ZNF577: variants seen among roughly 807,000 people sequenced by gnomAD.
ZNF577 encodes the protein zinc finger protein 577.
In ZNF577, 14 loss-of-function variants were observed where a neutral mutation model predicts 13.9. That is an observed-to-expected ratio of 1.00 (90% CI 0.66 to 1.57). The LOEUF is 1.57. Among genes scored for constraint, ZNF577 ranks in the 40% most tolerant of loss-of-function variants. The pLI is 0.00. For synonymous variants in ZNF577, 203 were observed against 202.9 expected, an observed-to-expected ratio of 1.00 and a Z score of 0.00; for missense variants, 555 against 579.2, an observed-to-expected ratio of 0.96 and a Z score of 0.43.
intron 9 of ZNF577, among the ~76,000 whole-genome samples, chr19:51,821,511 G>A (rs1445957443): frequency 6.6e-6 from 1 of 152,174 alleles, no homozygotes; most frequent in Non-Finnish European, 1.5e-5. Flanking sequence ...TGTCTGTAGT[G>A]CCAACGTTGA....
At chr19:51,853,816 C>T (rs913487733) in intron 5 of ZNF577, among the ~76,000 whole-genome samples, 3 of 152,110 alleles carry the variant, frequency 2.0e-5, no homozygotes, top group African/African-American at 4.8e-5. Flanking sequence ...GGATTGACAT[C>T]GTGAAGGTGT....
intron 9 of ZNF577, among the ~76,000 whole-genome samples, chr19:51,813,386 C>G (rs1599835968): frequency 1.3e-5 from 2 of 152,134 alleles, no homozygotes; most frequent in East Asian, 3.9e-4. Context: ...AATACCATCA[C>G]CTTGGTATGA....
chr19:51,805,534 T>A (rs971223677), intron 10 of ZNF577, among the ~76,000 whole-genome samples: 3 of 152,222 alleles, frequency 2.0e-5, no homozygotes, highest in African/African-American at 7.2e-5. Context: ...TATTCTAAGT[T>A]GGTTACACAA....
intron 5 of ZNF577, among the ~76,000 whole-genome samples, chr19:51,851,936 G>A (rs1250833010): frequency 6.6e-6 from 1 of 152,082 alleles, no homozygotes. Context: ...ATACCCTCAC[G>A]CATCACCTGC....
At chr19:51,884,923 T>A (rs75289742) in intron 1 of ZNF577, among the ~76,000 whole-genome samples, 2,281 of 152,348 alleles carry the variant, frequency 0.015, 71 homozygotes, top group African/African-American at 0.052. Flanking sequence ...GTCACATGAC[T>A]ATTCTATGGT....
downstream of ZNF577, among the ~76,000 whole-genome samples, chr19:51,865,947 T>G (rs1299441037): frequency 6.6e-6 from 1 of 152,106 alleles, no homozygotes; most frequent in East Asian, 1.9e-4. Context: ...AAACCCCAGC[T>G]CTACTAAAAA....
At chr19:51,884,463 G>A (rs59762708) in intron 1 of ZNF577, among the ~76,000 whole-genome samples, 12,551 of 151,956 alleles carry the variant, frequency 0.083, 918 homozygotes, top group South Asian at 0.25. Flanking sequence ...TAAGTTATGG[G>A]TAAATATTAT....
intron 9 of ZNF577, among the ~76,000 whole-genome samples, chr19:51,818,848 G>A (rs1159770819): frequency 1.3e-5 from 2 of 152,192 alleles, no homozygotes; most frequent in Non-Finnish European, 2.9e-5. Context: ...GGAAGCCATA[G>A]AAGAGTGCTG....
At position 51,870,904 on chromosome 19, in the gene ZNF577, C is replaced by T. The variant is rs2084649646; in HGVS notation, c.*1628G>A. The stretch of plus-strand genomic sequence containing the variant: ...TCTGTCATGGAAAGCTGTCCTAAGC[C>T]CTTTACTTCTCAATGTCTGATGAAG... On this transcript the variant is annotated 3_prime_UTR_variant, in exon 6 of 6. Transcript: ENST00000638348. 6.6e-6 allele frequency among the ~76,000 whole-genome samples: 1 copy of T among 152,022 alleles called. No homozygotes were observed. The highest frequency in any genetic ancestry group is 6.6e-5 in the Admixed American group (1 of 15,266).
Position 51,868,976 on chromosome 19 carries a change from G to C in ZNF577, c.*3556C>G, listed in dbSNP as rs984222932. On this transcript the variant is annotated 3_prime_UTR_variant, in exon 6 of 6. Transcript: ENST00000638348. The stretch of plus-strand genomic sequence containing the variant: ...AAAGTCATCACCATTCTCCAGTCTC[G>C]AGTACCCAGGGACACAATGCACTGC... Among the ~76,000 whole-genome samples, 1 of 152,120 alleles carries C rather than the reference G, an allele frequency of 6.6e-6. No individual in the cohort carries two copies. The highest frequency in any genetic ancestry group is 1.5e-5 in the Non-Finnish European group (1 of 68,024).
chr19:51,847,250 C>T (rs557018675), intron 5 of ZNF577, among the ~76,000 whole-genome samples: 18 of 152,222 alleles, frequency 1.2e-4, no homozygotes, highest in African/African-American at 4.1e-4. Flanking sequence ...TGAAATTCTT[C>T]GACATAAGAT....
intron 5 of ZNF577, 102 bp downstream of exon 5, chr19:51,877,180 T>C (rs1161996276): frequency 1.2e-5 from 11 of 955,572 alleles, no homozygotes; most frequent in Non-Finnish European, 1.8e-5. Flanking sequence ...CACCAACTAC[T>C]GTGAAGTCCT....
At chr19:51,834,515 C>G (rs185599661) in intron 9 of ZNF577, among the ~76,000 whole-genome samples, 1 of 152,152 alleles carries the variant, frequency 6.6e-6, no homozygotes, top group African/African-American at 2.4e-5. Context: ...AATTAAAAAC[C>G]AGCAATAACA....
At chr19:51,855,415 C>A (rs2084409186) in intron 5 of ZNF577, among the ~76,000 whole-genome samples, 1 of 132,750 alleles carries the variant, frequency 7.5e-6, no homozygotes, top group African/African-American at 3.1e-5. Context: ...GTGTCTACTT[C>A]AATGCTCAAG....
At chr19:51,846,018 A>AT (rs373565584) in intron 5 of ZNF577, among the ~76,000 whole-genome samples, 1,775 of 143,730 alleles carry the variant, frequency 0.012, 16 homozygotes, top group African/African-American at 0.024. Flanking sequence ...TGGTGGTTCT[A>AT]TTTTTTTTTT....
chr19:51,861,448 G>C (rs2084501258), intron 5 of ZNF577: 1 of 153,002 alleles, frequency 6.5e-6, no homozygotes. Context: ...CTTCTTGTGA[G>C]ATCTCTACGG....
rs538898217 is a variant in ZNF577 at position 51,824,860 on chromosome 19, A to G, written c.*600-13186T>C. On this transcript the variant is annotated intron_variant and NMD_transcript_variant, in intron 9 of 10. Coordinates refer to the ZNF577 transcript ENST00000638827. The surrounding 1 kb of genome is among the most constrained non-coding windows in gnomAD (Gnocchi z 4.7). Reference sequence around the variant, plus strand: ...TCTCTTTCTACCCTGCGTTAAGCGGAAAAAAAAAATTCTGACAGTGTTTTT... The same window carrying G: ...TCTCTTTCTACCCTGCGTTAAGCGGGAAAAAAAAATTCTGACAGTGTTTTT... 7.0e-6 allele frequency: 9 copies of G among 1,278,662 alleles called. No individual in the cohort carries two copies. The highest frequency in any genetic ancestry group is 1.9e-4 in the Middle Eastern group (1 of 5,146). 79.2% of individuals were successfully genotyped at this position (1,278,662 alleles called of 1,614,324 possible). A position where few individuals can be genotyped will look rare whatever the true frequency, so the allele number is the denominator to read the frequency against.
chr19:51,806,764 A>T (rs1184052837), intron 10 of ZNF577, among the ~76,000 whole-genome samples: 6 of 152,218 alleles, frequency 3.9e-5, no homozygotes, highest in African/African-American at 1.4e-4. Context: ...CAGCTGTCTC[A>T]CCTGTTTGGC....
rs2084613076 is a variant in ZNF577, at chr19:51,869,088, G to C, written c.*3444C>G. ...GAGACAGCCTGAGATATGGCCTCGT[G>C]GGAAGGGAAAGACCTGACCGTCCCC... On this transcript the variant is annotated 3_prime_UTR_variant, in exon 6 of 6. Transcript: ENST00000638348. Among the ~76,000 whole-genome samples the C allele has an allele frequency of 6.6e-6, 1 of 152,152 alleles. No homozygotes were observed. Among genetic ancestry groups the C allele is most frequent in the African/African-American group, 2.4e-5 (1 of 41,432 alleles).
Sources: gnomAD v4.1 joint callset for allele counts (sites outside exome capture counted in the v4.1 genomes callset) on GRCh38, gnomAD v4.1.1 for gene constraint, Gnocchi (gnomAD v3.1) non-coding constraint, MANE v1.5 for transcripts, NCBI Gene and HGNC (gene_info 2026-07-23, HGNC 2026-07-21) for gene names.